The following DHX36 variants were observed in gnomAD, a reference collection of about 807,000 sequenced individuals.
DHX36 encodes the protein ATP-dependent DNA/RNA helicase DHX36.
DHX36 carries 50 observed loss-of-function variants against 139.0 expected under a neutral mutation model. The observed-to-expected ratio is 0.36, with a 90% CI of 0.29 to 0.46. DHX36 has a LOEUF of 0.46. DHX36 is among the 20% of genes least tolerant of loss of function. The pLI is 1.00. For synonymous variants in DHX36, 425 were observed against 401.9 expected, an observed-to-expected ratio of 1.06 and a Z score of -0.69; for missense variants, 1,024 against 1,211.3, an observed-to-expected ratio of 0.85 and a Z score of 2.29.
intron 12 of DHX36, among the ~76,000 whole-genome samples, 193 bp from the exon 13 acceptor site, chr3:154,295,532 CTTTAT>C (rs540033821): frequency 9.8e-4 from 149 of 152,230 alleles, no homozygotes; most frequent in African/African-American, 3.5e-3. Flanking sequence ...ACCAAAAATT[CTTTAT>C]TTTTATTTCT....
At chr3:154,312,852 AATAT>A (rs67771264) in intron 3 of DHX36, among the ~76,000 whole-genome samples, 1,198 of 39,538 alleles carry the variant, frequency 0.03, 26 homozygotes, top group Non-Finnish European at 0.04. Flanking sequence ...AAATAATTAA[AATAT>A]ATATATATAT....
At chr3:154,276,397 A>C (rs372401564) in intron 24 of DHX36, 41 bp from the exon 25 acceptor site, 3 of 1,531,254 alleles carry the variant, frequency 2.0e-6, no homozygotes. Flanking sequence ...AAAGGCAGAT[A>C]TATTACCAAA....
intron 3 of DHX36, chr3:154,314,783 G>GTT: frequency 1.4e-5 from 4 of 295,994 alleles, no homozygotes; most frequent in South Asian, 8.4e-5. Flanking sequence ...TGAAGAGTAA[G>GTT]TTTTTTTTTC....
intron 19 of DHX36, 51 bp from the exon 20 acceptor site, chr3:154,283,322 T>C (rs189648684): frequency 8.1e-7 from 1 of 1,233,644 alleles, no homozygotes; most frequent in East Asian, 2.3e-5. Context: ...AAACAAAGAT[T>C]ACTACTGGTT....
rs1326761224 is a variant in DHX36, at chr3:154,274,320, AACAAAAC to A, written c.*1844_*1850del. The stretch of plus-strand genomic sequence containing the variant: ...AAGACACTGTCTCCAAAAAACAAAA[AACAAAAC>A]AAAACAAAACAAAAAACCAACAAAA... On this transcript the variant is annotated 3_prime_UTR_variant, in exon 25 of 25. Coordinates refer to ENST00000496811, the MANE Select transcript of DHX36 (RefSeq NM_020865.3). The A allele has an allele frequency of 1.1e-5, 2 of 189,052 alleles. No homozygotes were observed. Among genetic ancestry groups the A allele is most frequent in the African/African-American group, 4.8e-5 (2 of 41,914 alleles). 11.7% of individuals were successfully genotyped at this position (189,052 alleles called of 1,614,324 possible). A position where few individuals can be genotyped will look rare whatever the true frequency, so the allele number is the denominator to read the frequency against.
At chr3:154,293,844 G>C (rs1711922289) in intron 13 of DHX36, 32 bp from the exon 14 acceptor site, 1 of 1,476,666 alleles carries the variant, frequency 6.8e-7, no homozygotes. Flanking sequence ...AATCACAAAA[G>C]TACACTAACT....
chr3:154,304,003 T>A lies in DHX36; in HGVS notation c.1136-593A>T, dbSNP rs72996657. ...GTCAAAATACCTAAGTAGGTATCAC[T>A]GCTCTACCCATGATGTGCACACATT... On this transcript the variant is annotated intron_variant, in intron 8 of 24. Coordinates refer to ENST00000496811, the MANE Select transcript of DHX36 (RefSeq NM_020865.3). Among the ~76,000 whole-genome samples, 848 of 152,310 alleles carry A rather than the reference T, an allele frequency of 5.6e-3. 12 individuals are homozygous for A. Among genetic ancestry groups the A allele is most frequent in the African/African-American group, 0.019 (810 of 41,576 alleles).
chr3:154,296,561 T>C (rs2108348073), intron 12 of DHX36, among the ~76,000 whole-genome samples: 1 of 152,346 alleles, frequency 6.6e-6, no homozygotes, highest in Non-Finnish European at 1.5e-5. Context: ...AAATTCCTAC[T>C]TTTTAAGTTT....
At chr3:154,311,472 C>CT (rs751757327) in intron 4 of DHX36, among the ~76,000 whole-genome samples, 164 bp downstream of exon 4, 42 of 151,548 alleles carry the variant, frequency 2.8e-4, no homozygotes, top group African/African-American at 9.0e-4. Flanking sequence ...GTTTATGAAC[C>CT]TTTTTTTTCT....
At chr3:154,317,358 T>C (rs1377970247) in intron 1 of DHX36, among the ~76,000 whole-genome samples, 1 of 151,996 alleles carries the variant, frequency 6.6e-6, no homozygotes. Flanking sequence ...TCTGAGAGGT[T>C]TTGTTTTTAG....
At chr3:154,323,089 C>G (rs1713258918) in intron 1 of DHX36, among the ~76,000 whole-genome samples, 1 of 152,100 alleles carries the variant, frequency 6.6e-6, no homozygotes, top group African/African-American at 2.4e-5. Flanking sequence ...AATCCCAGCA[C>G]TTTGGGAGGC....
chr3:154,321,178 C>G (rs1713172320), intron 1 of DHX36, among the ~76,000 whole-genome samples: 3 of 152,192 alleles, frequency 2.0e-5, no homozygotes, highest in Admixed American at 1.3e-4. Flanking sequence ...TATGTGTGTA[C>G]TGGGTTGTAA....
rs1712972684 is a variant in DHX36 at position 154,316,150 on chromosome 3, T to C, written c.257A>G (p.His86Arg). ...EAERQERAVV[H>R]MDERREEQIV... The stretch of plus-strand genomic sequence containing the variant: ...TTGTTCTTCTCGTCGTTCATCCATG[T>C]GTACTACAGCTCTCTAGTTTGTGCA... Residue 86 changes from histidine to arginine, a missense_variant, in exon 2 of 25, where the codon CAC (histidine) becomes CGC (arginine). By Grantham distance (29) the His-to-Arg change is conservative. Transcript: ENST00000496811. The C allele has an allele frequency of 6.2e-7, 1 of 1,613,254 alleles. No individual in the cohort carries two copies. Among genetic ancestry groups the C allele is most frequent in the Non-Finnish European group, 8.5e-7 (1 of 1,179,462 alleles).
chr3:154,280,534 TAAGAA>T (rs745739630), intron 22 of DHX36, 40 bp downstream of exon 22: 10 of 1,409,104 alleles, frequency 7.1e-6, no homozygotes, highest in Admixed American at 1.8e-5. Flanking sequence ...TTCAAAAGTT[TAAGAA>T]GAGAATTACG....
intron 11 of DHX36, among the ~76,000 whole-genome samples, 175 bp from the exon 12 acceptor site, chr3:154,300,100 G>A (rs1257358694): frequency 2.6e-5 from 4 of 151,568 alleles, no homozygotes; most frequent in African/African-American, 9.7e-5. Context: ...AGAGAGTCTT[G>A]CTCTGTCACC....
chr3:154,280,536 AG>A, intron 22 of DHX36, 42 bp downstream of exon 22: 1 of 1,414,638 alleles, frequency 7.1e-7, no homozygotes, highest in East Asian at 2.3e-5. Context: ...CAAAAGTTTA[AG>A]AAGAGAATTA....
chr3:154,309,482 G>C (rs1364201097), intron 5 of DHX36, among the ~76,000 whole-genome samples, 171 bp downstream of exon 5: 1 of 152,146 alleles, frequency 6.6e-6, no homozygotes, highest in Non-Finnish European at 1.5e-5. Context: ...TGTTAAGAGA[G>C]AGGTTACTCA....
chr3:154,309,547 C>T, intron 5 of DHX36, 106 bp downstream of exon 5: 1 of 984,800 alleles, frequency 1.0e-6, no homozygotes, highest in Non-Finnish European at 1.4e-6. Context: ...TTCATAGTCA[C>T]CAATCCTAAG....
At chr3:154,302,738 C>T (rs1356037355) in intron 9 of DHX36, among the ~76,000 whole-genome samples, 1 of 152,126 alleles carries the variant, frequency 6.6e-6, no homozygotes, top group East Asian at 1.9e-4. Context: ...GGTTCAAACA[C>T]TAAAGACAAA....
Sources: allele counts gnomAD v4.1 joint callset (sites outside exome capture counted in the v4.1 genomes callset), GRCh38; gene constraint gnomAD v4.1.1; transcripts MANE v1.5; gene names NCBI Gene and HGNC (gene_info 2026-07-23, HGNC 2026-07-21).